GRID2: variants seen among roughly 807,000 people sequenced by gnomAD.
The protein encoded by GRID2 is glutamate ionotropic receptor delta type subunit 2.
A neutral mutation model predicts 114.8 loss-of-function variants in GRID2; 33 were observed. The ratio of observed to expected loss-of-function variants is 0.29; its 90% CI spans 0.22 to 0.38. The LOEUF is 0.38. GRID2 is among the 10% of genes least tolerant of loss of function. The pLI is 1.00. For synonymous variants in GRID2, 505 were observed against 449.9 expected, an observed-to-expected ratio of 1.12 and a Z score of -1.55; for missense variants, 1,184 against 1,257.7, an observed-to-expected ratio of 0.94 and a Z score of 0.89.
intron 2 of GRID2, among the ~76,000 whole-genome samples, chr4:93,011,750 A>G (rs1722194427): frequency 6.6e-6 from 1 of 152,100 alleles, no homozygotes; most frequent in South Asian, 2.1e-4. Flanking sequence ...AGACTGGGAG[A>G]TGGCTTAGTT....
At chr4:92,805,877 T>A (rs575504662) in intron 2 of GRID2, among the ~76,000 whole-genome samples, 1 of 151,968 alleles carries the variant, frequency 6.6e-6, no homozygotes, top group Non-Finnish European at 1.5e-5. Context: ...GAGCTCTTTT[T>A]CCAAGAGTTC....
intron 3 of GRID2, among the ~76,000 whole-genome samples, chr4:93,101,905 A>G (rs1731741086): frequency 6.6e-6 from 1 of 152,162 alleles, no homozygotes; most frequent in Non-Finnish European, 1.5e-5. Context: ...GGCAGAATAA[A>G]ATCAAGATAA....
intron 13 of GRID2, among the ~76,000 whole-genome samples, chr4:93,595,200 C>T (rs879534594): frequency 6.6e-6 from 1 of 152,194 alleles, no homozygotes; most frequent in Admixed American, 6.5e-5. Context: ...TGTAATATCC[C>T]TTTCTTCAAT....
At chr4:93,318,040 A>G (rs1406850485) in intron 8 of GRID2, among the ~76,000 whole-genome samples, 1 of 120,238 alleles carries the variant, frequency 8.3e-6, no homozygotes, top group East Asian at 2.2e-4. Flanking sequence ...TTCTTCAAGC[A>G]GTTGGTGAAG....
At chr4:92,591,196 A>G (rs940079681) in intron 2 of GRID2, among the ~76,000 whole-genome samples, 8 of 152,098 alleles carry the variant, frequency 5.3e-5, no homozygotes, top group African/African-American at 1.9e-4. Flanking sequence ...AACAGGCCCA[A>G]GGGAACTTGC....
intron 1 of GRID2, among the ~76,000 whole-genome samples, chr4:92,471,347 G>A (rs996577000): frequency 6.6e-6 from 1 of 152,058 alleles, no homozygotes; most frequent in Non-Finnish European, 1.5e-5. Context: ...TTGAGGACCA[G>A]TGACCTTGTA....
intron 9 of GRID2, among the ~76,000 whole-genome samples, chr4:93,417,037 A>T (rs1266584451): frequency 6.6e-6 from 1 of 152,134 alleles, no homozygotes; most frequent in Non-Finnish European, 1.5e-5. Context: ...ACAGGTTTTC[A>T]CCAATTTAGA....
chr4:93,008,552 A>G (rs1384058253), intron 2 of GRID2, among the ~76,000 whole-genome samples: 1 of 151,764 alleles, frequency 6.6e-6, no homozygotes, highest in East Asian at 1.9e-4. Context: ...CTGTTTGTAA[A>G]TATGTGGGGT....
At chr4:93,623,803 A>T (rs1023508661) in intron 13 of GRID2, among the ~76,000 whole-genome samples, 2 of 152,066 alleles carry the variant, frequency 1.3e-5, no homozygotes, top group Non-Finnish European at 2.9e-5. Context: ...TAAGTCTCTG[A>T]TAATTATTAA....
At chr4:92,400,289 C>T (rs1290039933) in intron 1 of GRID2, among the ~76,000 whole-genome samples, 2 of 152,084 alleles carry the variant, frequency 1.3e-5, no homozygotes, top group Non-Finnish European at 2.9e-5. Context: ...TCCCAGAAAC[C>T]ACCAACATAC....
intron 2 of GRID2, among the ~76,000 whole-genome samples, chr4:92,964,738 G>C (rs896293618): frequency 6.6e-6 from 1 of 151,898 alleles, no homozygotes; most frequent in Non-Finnish European, 1.5e-5. Context: ...TTCATCTGAA[G>C]CTTTCTGACC....
chr4:93,739,316 A>G (rs2110247177), intron 14 of GRID2, among the ~76,000 whole-genome samples: 1 of 152,220 alleles, frequency 6.6e-6, no homozygotes, highest in African/African-American at 2.4e-5. Flanking sequence ...CCCGCCACAA[A>G]CTAGGTACAA....
chr4:92,924,404 A>G (rs1749640601), intron 2 of GRID2, among the ~76,000 whole-genome samples: 1 of 152,168 alleles, frequency 6.6e-6, no homozygotes, highest in African/African-American at 2.4e-5. Context: ...TATAATTAAA[A>G]AAAAAAAAGA....
intron 2 of GRID2, among the ~76,000 whole-genome samples, chr4:92,830,002 A>G (rs1741989535): frequency 6.6e-6 from 1 of 151,382 alleles, no homozygotes; most frequent in African/African-American, 2.4e-5. Flanking sequence ...AAGCTGGAAG[A>G]TGGGTTAATA....
intron 2 of GRID2, among the ~76,000 whole-genome samples, chr4:92,755,732 A>G (rs1354610933): frequency 6.6e-6 from 1 of 152,142 alleles, no homozygotes; most frequent in East Asian, 1.9e-4. Flanking sequence ...AGAAGTAAGT[A>G]CCCTAGAGCT....
chr4:92,969,545 T>C (rs917455293), intron 2 of GRID2, among the ~76,000 whole-genome samples: 1 of 151,772 alleles, frequency 6.6e-6, no homozygotes, highest in Non-Finnish European at 1.5e-5. Flanking sequence ...TAACATGTAT[T>C]GAGTAATTAC....
At chr4:92,378,806 T>G (rs1387394683) in intron 1 of GRID2, among the ~76,000 whole-genome samples, 1 of 152,038 alleles carries the variant, frequency 6.6e-6, no homozygotes, top group Non-Finnish European at 1.5e-5. Context: ...TCAAAATATT[T>G]CATTTGCTAC....
chr4:92,516,415 C>T (rs1451072010), intron 1 of GRID2, among the ~76,000 whole-genome samples: 3 of 151,864 alleles, frequency 2.0e-5, no homozygotes, highest in Non-Finnish European at 2.9e-5. Flanking sequence ...AGTAGGCAAT[C>T]AATGATGTTC....
intron 1 of GRID2, among the ~76,000 whole-genome samples, chr4:92,525,614 A>C (rs934245717): frequency 6.6e-6 from 1 of 152,096 alleles, no homozygotes; most frequent in Non-Finnish European, 1.5e-5. Flanking sequence ...AAAACAGAAG[A>C]AGCCTCCCTC....
Sources: allele counts gnomAD v4.1 joint callset (sites outside exome capture counted in the v4.1 genomes callset), GRCh38; gene constraint gnomAD v4.1.1; transcripts MANE v1.5; gene names NCBI Gene and HGNC (gene_info 2026-07-23, HGNC 2026-07-21).